The following RBFOX1 variants were observed in gnomAD, a reference collection of about 807,000 sequenced individuals.
The protein encoded by RBFOX1 is RNA binding fox-1 homolog 1.
Under a neutral mutation model 57.7 loss-of-function variants are expected in RBFOX1, and 8 were observed. The observed-to-expected ratio is 0.14, with a 90% CI of 0.08 to 0.25. RBFOX1 has a LOEUF of 0.25. Among genes scored for constraint, RBFOX1 ranks in the 10% least tolerant of loss-of-function variants. The pLI, the probability that RBFOX1 is intolerant of heterozygous loss-of-function variation, is 1.00. For synonymous variants in RBFOX1, 326 were observed against 222.4 expected (o/e 1.47, Z -4.15); for missense variants, 611 against 548.5 (o/e 1.11, Z -1.14).
chr16:5,498,265 C>T (rs991850231), intron 2 of RBFOX1, among the ~76,000 whole-genome samples: 10 of 152,160 alleles, frequency 6.6e-5, no homozygotes, highest in African/African-American at 2.4e-4. Flanking sequence ...GCTTCAGCTT[C>T]TCAACGAACT....
chr16:5,526,956 A>G (rs1034660437), intron 2 of RBFOX1, among the ~76,000 whole-genome samples: 24 of 152,294 alleles, frequency 1.6e-4, no homozygotes, highest in African/African-American at 5.8e-4. Context: ...GGGAGTGATG[A>G]CAGCAATGGT....
chr16:6,811,483 G>T (rs2088565195), intron 3 of RBFOX1, among the ~76,000 whole-genome samples: 2 of 152,022 alleles, frequency 1.3e-5, no homozygotes, highest in African/African-American at 4.8e-5. Context: ...TTTGATTTAG[G>T]AGTCAGGGAT....
chr16:7,432,812 C>G lies in RBFOX1; in HGVS notation c.28-85335C>G, dbSNP rs867079758. Among the ~76,000 whole-genome samples the G allele has an allele frequency of 2.6e-4, 39 of 152,190 alleles. 1 individual carries two copies. The highest frequency in any genetic ancestry group is 1.5e-3 in the Admixed American group (23 of 15,274). On this transcript the variant is annotated intron_variant, in intron 4 of 15. Transcript: ENST00000550418. ...ATTCTGTTGATTCCTGGAACTATGG[C>G]TCCTTTGCTCTCTCTGCTGCTTCCC... is the stretch of plus-strand genomic sequence containing the variant.
At chr16:7,579,677 A>G (rs935584372) in intron 5 of RBFOX1, 100 bp from the exon 6 acceptor site, 3 of 1,430,354 alleles carry the variant, frequency 2.1e-6, no homozygotes, top group Admixed American at 1.8e-5. Flanking sequence ...CAGATTGCTT[A>G]GTTCTGATCT....
chr16:5,592,912 C>T (rs572351504), intron 2 of RBFOX1, among the ~76,000 whole-genome samples: 13 of 152,158 alleles, frequency 8.5e-5, no homozygotes, highest in South Asian at 2.1e-4. Context: ...GTCAGTGGTG[C>T]GGGGGCCAGA....
chr16:6,630,738 T>G (rs921413924), intron 2 of RBFOX1, among the ~76,000 whole-genome samples: 6 of 152,168 alleles, frequency 3.9e-5, no homozygotes, highest in Non-Finnish European at 7.3e-5. Context: ...TAAGCTGGAA[T>G]TTATGATGAA....
At chr16:7,093,612 C>G (rs1162533517) in intron 4 of RBFOX1, among the ~76,000 whole-genome samples, 1 of 152,098 alleles carries the variant, frequency 6.6e-6, no homozygotes, top group African/African-American at 2.4e-5. Flanking sequence ...CTGGATGGAT[C>G]GAAAGTTAAT....
At chr16:7,463,720 AT>A (rs924602502) in intron 4 of RBFOX1, among the ~76,000 whole-genome samples, 4 of 152,160 alleles carry the variant, frequency 2.6e-5, no homozygotes, top group African/African-American at 9.7e-5. Context: ...GCATGGGAAT[AT>A]TTGGGGGGCC....
In RBFOX1 at chr16:6,300,851, C is replaced by T. The variant is rs369940721; in HGVS notation, c.-126-16144C>T. Among the ~76,000 whole-genome samples the T allele has an allele frequency of 2.0e-4, 31 of 152,260 alleles. No homozygotes were observed. The South Asian group carries it at 6.4e-3, about 32-fold the overall frequency. On this transcript the variant is annotated intron_variant, in intron 1 of 15. Coordinates refer to ENST00000550418, the MANE Select transcript of RBFOX1 (RefSeq NM_018723.4). ...TTTTTCTGCTGGGAATCTTGTTTTG[C>T]TGTGCCTTCTATTAGCTATTATTAA...
At chr16:7,584,052 C>T (rs2093963059) in intron 6 of RBFOX1, among the ~76,000 whole-genome samples, 1 of 152,204 alleles carries the variant, frequency 6.6e-6, no homozygotes, top group Non-Finnish European at 1.5e-5. Flanking sequence ...TATGGGGAGA[C>T]AGGGCATGGT....
Position 6,846,798 on chromosome 16 carries a change from A to G in RBFOX1, c.-16+192148A>G, listed in dbSNP as rs529384520. ...ATGGCCACTTTCTTATTTTTTATTT[A>G]TTCATTTGTAAGCAGCTGCTTTAAT... is the stretch of plus-strand genomic sequence containing the variant. On this transcript the variant is annotated intron_variant, in intron 3 of 15. Transcript: ENST00000550418. Among the ~76,000 whole-genome samples, 17 of 152,084 alleles carry G rather than the reference A, an allele frequency of 1.1e-4. No individual in the cohort carries two copies. In the South Asian group the frequency reaches 3.5e-3, roughly 32 times the overall value.
chr16:7,318,726 T>A (rs2096490233), intron 4 of RBFOX1, among the ~76,000 whole-genome samples: 2 of 152,170 alleles, frequency 1.3e-5, no homozygotes, highest in African/African-American at 4.8e-5. Context: ...TATTCTTGAT[T>A]TTGCTTTTTA....
intron 2 of RBFOX1, among the ~76,000 whole-genome samples, chr16:6,604,431 C>T (rs917848779): frequency 1.3e-5 from 2 of 152,092 alleles, no homozygotes; most frequent in South Asian, 4.1e-4. Flanking sequence ...CCCATCTCAG[C>T]CTCCTGAATA....
chr16:6,325,288 A>G lies in RBFOX1; in HGVS notation c.-64+8231A>G, dbSNP rs113270053. Among the ~76,000 whole-genome samples the G allele has an allele frequency of 7.6e-3, 1,160 of 152,274 alleles. 11 individuals are homozygous for G. The highest frequency in any genetic ancestry group is 0.025 in the African/African-American group (1,025 of 41,550). On this transcript the variant is annotated intron_variant, in intron 2 of 15. Transcript: ENST00000550418. ...GCAGGAGGATCACATGAGCCCAGGA[A>G]TCCAAGGCTGCAGTGAGTTGATTGT... is the stretch of plus-strand genomic sequence containing the variant.
intron 4 of RBFOX1, among the ~76,000 whole-genome samples, chr16:5,990,180 G>A (rs2060367202): frequency 6.6e-6 from 1 of 151,988 alleles, no homozygotes; most frequent in South Asian, 2.1e-4. Flanking sequence ...TGGAGATAGG[G>A]TCTCACTTTG....
chr16:6,878,414 C>T (rs993648158), intron 3 of RBFOX1, among the ~76,000 whole-genome samples: 1 of 152,146 alleles, frequency 6.6e-6, no homozygotes, highest in Non-Finnish European at 1.5e-5. Context: ...ATGGATTTTC[C>T]TTCATCCAAG....
chr16:6,046,629 A>G (rs2095498546), intron 1 of RBFOX1, among the ~76,000 whole-genome samples: 1 of 152,174 alleles, frequency 6.6e-6, no homozygotes, highest in Admixed American at 6.5e-5. Flanking sequence ...TTTGAAGAAA[A>G]ATTGGCCCAA....
intron 4 of RBFOX1, among the ~76,000 whole-genome samples, chr16:7,075,815 C>A (rs1015610614): frequency 6.6e-6 from 1 of 152,080 alleles, no homozygotes; most frequent in African/African-American, 2.4e-5. Context: ...CTCCTGACCT[C>A]GTGATCTGCC....
At chr16:6,984,390 C>G (rs970471550) in intron 3 of RBFOX1, among the ~76,000 whole-genome samples, 1 of 152,166 alleles carries the variant, frequency 6.6e-6, no homozygotes, top group Non-Finnish European at 1.5e-5. Context: ...TACAGCACTA[C>G]TGAGCATCCT....
Sources: allele counts gnomAD v4.1 joint callset (sites outside exome capture counted in the v4.1 genomes callset), GRCh38; gene constraint gnomAD v4.1.1; transcripts MANE v1.5; gene names NCBI Gene and HGNC (gene_info 2026-07-23, HGNC 2026-07-21).